CFAP92: variants seen among roughly 807,000 people sequenced by gnomAD.
CFAP92 encodes uncharacterized protein CFAP92.
Under a neutral mutation model 106.3 loss-of-function variants are expected in CFAP92, and 86 were observed. The observed-to-expected ratio is 0.81, with a 90% confidence interval of 0.68 to 0.97. CFAP92 has a LOEUF of 0.97. Among genes scored for constraint, CFAP92 ranks in the 50% least tolerant of loss-of-function variants. The pLI is 0.00. For synonymous variants in CFAP92, 477 were observed against 506.4 expected, an observed-to-expected ratio of 0.94 and a Z score of 0.78; for missense variants, 1,204 against 1,283.8, an observed-to-expected ratio of 0.94 and a Z score of 0.95.
intron 12 of CFAP92, among the ~76,000 whole-genome samples, chr3:128,930,902 T>A (rs1409201200): frequency 2.0e-5 from 3 of 152,100 alleles, no homozygotes; most frequent in African/African-American, 7.2e-5. Flanking sequence ...GTTTGACTTT[T>A]TTTGTTTGTT....
At chr3:128,911,109 T>C (rs769763328) in intron 15 of CFAP92, among the ~76,000 whole-genome samples, 5 of 152,166 alleles carry the variant, frequency 3.3e-5, no homozygotes, top group Non-Finnish European at 7.4e-5. Context: ...CAAGCTGGAG[T>C]GTAATGGCGC....
rs566146157 is a variant in CFAP92 at position 128,931,531 on chromosome 3, A to G, written c.2751+1169T>C. On this transcript the variant is annotated intron_variant, in intron 12 of 15. Transcript: ENST00000645291. ...TGTATATATATGTATGTATGTGTAT[A>G]TATATATATATATTACACAAGAGAA... Among the ~76,000 whole-genome samples the G allele has an allele frequency of 1.9e-3, 276 of 143,706 alleles. 1 individual carries two copies. The highest frequency in any genetic ancestry group is 6.3e-3 in the African/African-American group (245 of 39,054). The allele number at this position is 143,706 out of a possible 152,430, so 94.3% of individuals were successfully genotyped here. A position where few individuals can be genotyped will look rare whatever the true frequency, so the allele number is the denominator to read the frequency against.
At chr3:128,931,479 A>G (rs545163769) in intron 12 of CFAP92, among the ~76,000 whole-genome samples, 1,804 of 148,862 alleles carry the variant, frequency 0.012, 12 homozygotes, top group Admixed American at 0.021. Context: ...ATACATGTAT[A>G]TATATGTATG....
At position 128,989,487 on chromosome 3, in the gene CFAP92, C is replaced by T. The variant is rs146753655; in HGVS notation, c.263-569G>A. ...CAGACAGACAGAGAAAGCAGCTTCA[C>T]AAAAATGTCATGGGTGAAGCTACCC... On this transcript the variant is annotated intron_variant, in intron 2 of 15. Transcript: ENST00000645291. Among the ~76,000 whole-genome samples, 343 of 152,034 alleles carry T rather than the reference C, an allele frequency of 2.3e-3. 1 individual carries two copies. The highest frequency in any genetic ancestry group is 4.0e-3 in the Non-Finnish European group (269 of 67,960).
upstream of CFAP92, among the ~76,000 whole-genome samples, chr3:128,998,187 C>T (rs905874846): frequency 1.3e-5 from 2 of 152,106 alleles, no homozygotes; most frequent in African/African-American, 2.4e-5. Context: ...ATTGTAAATT[C>T]GGAATATAAG....
chr3:128,930,817 A>G (rs1938280269), intron 12 of CFAP92, among the ~76,000 whole-genome samples: 1 of 152,198 alleles, frequency 6.6e-6, no homozygotes, highest in South Asian at 2.1e-4. Flanking sequence ...AACCCATGAA[A>G]TGAATATATA....
chr3:129,009,350 A>T, the CFAP92 span, among the ~76,000 whole-genome samples: 6 of 152,202 alleles, frequency 3.9e-5, no homozygotes, highest in Non-Finnish European at 8.8e-5. Flanking sequence ...ACCACGATAT[A>T]CTGAAGTTCT....
At chr3:128,924,992 GC>G (rs1268389300) in intron 12 of CFAP92, among the ~76,000 whole-genome samples, 1 of 152,204 alleles carries the variant, frequency 6.6e-6, no homozygotes, top group African/African-American at 2.4e-5. Context: ...CCCACTTTAT[GC>G]ACTCTTAACT....
At chr3:129,008,422 G>C in the CFAP92 span, among the ~76,000 whole-genome samples, 1 of 152,168 alleles carries the variant, frequency 6.6e-6, no homozygotes, top group Non-Finnish European at 1.5e-5. Flanking sequence ...CTTTTAAATA[G>C]TTCTATTTTA....
intron 12 of CFAP92, among the ~76,000 whole-genome samples, chr3:128,931,500 T>G (rs1938376557): frequency 8.4e-6 from 1 of 118,586 alleles, no homozygotes; most frequent in Non-Finnish European, 1.7e-5. Flanking sequence ...TATGTATATG[T>G]ATATATGTAT....
At chr3:128,944,302 T>A (rs982525862) in intron 10 of CFAP92, among the ~76,000 whole-genome samples, 1 of 151,952 alleles carries the variant, frequency 6.6e-6, no homozygotes, top group Non-Finnish European at 1.5e-5. Context: ...TGTGTGGACA[T>A]ATGTTTTCAC....
intron 9 of CFAP92, among the ~76,000 whole-genome samples, chr3:128,950,331 T>C (rs1233540855): frequency 6.6e-6 from 1 of 152,220 alleles, no homozygotes; most frequent in Non-Finnish European, 1.5e-5. Flanking sequence ...AAGCCCACCG[T>C]GCACCCAAAG....
chr3:128,951,375 T>C (rs1559888661), intron 9 of CFAP92, among the ~76,000 whole-genome samples: 1 of 152,120 alleles, frequency 6.6e-6, no homozygotes, highest in Admixed American at 6.6e-5. Flanking sequence ...GGCTTCTAGG[T>C]TGAAATGGCC....
At chr3:128,912,383 G>C in intron 15 of CFAP92, 1 of 789,854 alleles carries the variant, frequency 1.3e-6, no homozygotes, top group Non-Finnish European at 2.2e-6. Flanking sequence ...TGGAGGAGGG[G>C]TTCACCCTTA....
intron 12 of CFAP92, among the ~76,000 whole-genome samples, chr3:128,923,013 CAA>C (rs1435839057): frequency 6.6e-6 from 1 of 152,238 alleles, no homozygotes; most frequent in Non-Finnish European, 1.5e-5. Context: ...GGTAATTAAC[CAA>C]AGAGGCAGAA....
At chr3:128,924,052 G>A (rs1369494387) in intron 12 of CFAP92, among the ~76,000 whole-genome samples, 1 of 152,162 alleles carries the variant, frequency 6.6e-6, no homozygotes. Context: ...GCCACCTCGG[G>A]AGAGACAGCT....
rs1261523996 is a variant in CFAP92, at chr3:128,932,800, G to A, written c.2651C>T (p.Ser884Phe). The change falls in exon 12 of 16, where the codon TCC becomes TTC. Residue 884 changes from serine to phenylalanine, a missense_variant. By Grantham distance (155) the Ser-to-Phe change is radical. Transcript: ENST00000645291. ...GGCGTGGATCTCTAAGGTGAGGGTGGAGTTCCGACTGTGGTAGTCCTCAAG... is the reference window on the plus strand; with the variant it reads ...GGCGTGGATCTCTAAGGTGAGGGTGAAGTTCCGACTGTGGTAGTCCTCAAG... ...PNLEDYHSRN[S>F]TLTLEIHAHQ... The A allele has an allele frequency of 7.2e-6, 11 of 1,536,138 alleles. No homozygotes were observed. Among genetic ancestry groups the A allele is most frequent in the Non-Finnish European group, 9.6e-6 (11 of 1,146,940 alleles).
chr3:129,008,614 T>C, the CFAP92 span, among the ~76,000 whole-genome samples: 7 of 151,538 alleles, frequency 4.6e-5, no homozygotes, highest in African/African-American at 1.7e-4. Flanking sequence ...GCCACAATCC[T>C]TGGGACACAG....
chr3:128,926,227 G>A (rs1937632328), intron 12 of CFAP92, among the ~76,000 whole-genome samples: 1 of 138,784 alleles, frequency 7.2e-6, no homozygotes, highest in Non-Finnish European at 1.5e-5. Context: ...GCCTGAATGT[G>A]GCTGGGCATG....
Sources: allele counts gnomAD v4.1 joint callset (sites outside exome capture counted in the v4.1 genomes callset), GRCh38; gene constraint gnomAD v4.1.1; transcripts MANE v1.5; gene names NCBI Gene and HGNC (gene_info 2026-07-23, HGNC 2026-07-21).